Variants in PDE1C observed in about 807,000 individuals in gnomAD.
The protein encoded by PDE1C is phosphodiesterase 1C.
In PDE1C, 62 loss-of-function variants were observed where a neutral mutation model predicts 93.1. The ratio of observed to expected loss-of-function variants is 0.67; its 90% CI spans 0.54 to 0.82. The LOEUF is 0.82. PDE1C is among the 40% of genes least tolerant of loss of function. PDE1C has a pLI of 0.00. For missense variants in PDE1C, 742 were observed against 884.6 expected (o/e 0.84, Z 2.04); for synonymous variants, 325 against 310.1 (o/e 1.05, Z -0.50).
At chr7:31,712,383 T>G in the PDE1C span, among the ~76,000 whole-genome samples, 4 of 152,364 alleles carry the variant, frequency 2.6e-5, no homozygotes, top group Admixed American at 2.6e-4. Flanking sequence ...ACAAGGTTAC[T>G]TACTCTGATA....
intron 2 of PDE1C, among the ~76,000 whole-genome samples, chr7:32,182,427 A>G (rs2128813184): frequency 6.6e-6 from 1 of 152,360 alleles, no homozygotes; most frequent in South Asian, 2.1e-4. Flanking sequence ...CGAATCCAGC[A>G]GCACATCAAA....
chr7:32,282,203 G>A (rs1042876990), intron 1 of PDE1C, among the ~76,000 whole-genome samples: 2 of 151,718 alleles, frequency 1.3e-5, no homozygotes, highest in Admixed American at 6.6e-5. Flanking sequence ...TCGGCCGGGT[G>A]TGGTGGCTCA....
intron 2 of PDE1C, among the ~76,000 whole-genome samples, chr7:31,896,168 C>A (rs1231268995): frequency 6.6e-6 from 1 of 152,094 alleles, no homozygotes; most frequent in South Asian, 2.1e-4. Context: ...CTCAGCAACT[C>A]CTTAGTGGCA....
In PDE1C at chr7:31,864,798, T is replaced by C. The variant is rs535370188; in HGVS notation, c.750+144A>G. ...ACGGAGAACTCCAAGACTTTCCATATTGGTTAGATTACTCCTGGGAAACAG... is the reference window on the plus strand; with the variant it reads ...ACGGAGAACTCCAAGACTTTCCATACTGGTTAGATTACTCCTGGGAAACAG... On this transcript the variant is annotated intron_variant, in intron 7 of 17. Transcript: ENST00000396191. The C allele has an allele frequency of 1.1e-5, 8 of 749,764 alleles. No individual in the cohort carries two copies. The East Asian group carries it at 1.2e-4, about 12-fold the overall frequency. 46.4% of individuals were successfully genotyped at this position (749,764 alleles called of 1,614,324 possible). A position where few individuals can be genotyped will look rare whatever the true frequency, so the allele number is the denominator to read the frequency against.
chr7:32,111,155 C>A (rs1798618557), intron 3 of PDE1C, among the ~76,000 whole-genome samples: 1 of 152,008 alleles, frequency 6.6e-6, no homozygotes, highest in South Asian at 2.1e-4. Context: ...CCAAATCAGG[C>A]TCATAAGGAC....
chr7:31,619,947 G>T, the PDE1C span, among the ~76,000 whole-genome samples: 1 of 152,192 alleles, frequency 6.6e-6, no homozygotes. Flanking sequence ...GGCGCACCAG[G>T]AGACTATATC....
At chr7:32,146,259 G>A (rs911020179) in intron 3 of PDE1C, among the ~76,000 whole-genome samples, 3 of 152,122 alleles carry the variant, frequency 2.0e-5, no homozygotes, top group African/African-American at 7.2e-5. Flanking sequence ...CATTGCCACT[G>A]GAGCAAATGA....
At chr7:31,630,199 T>G in the PDE1C span, among the ~76,000 whole-genome samples, 1 of 125,610 alleles carries the variant, frequency 8.0e-6, no homozygotes, top group Admixed American at 9.7e-5. Context: ...GAGTTCTAAA[T>G]TACCAGAGGA....
Position 31,873,402 on chromosome 7 carries a change from C to G in PDE1C, c.499G>C (p.Asp167His). 1 of 1,604,184 alleles carries G rather than the reference C, an allele frequency of 6.2e-7. No homozygotes were observed. The highest frequency in any genetic ancestry group is 1.1e-5 in the South Asian group (1 of 90,842). ...GAAAAGACGTCAAAGGACCACTTGT[C>G]CACATCCTGCAGGACAGGGTGGGGA... ...PAVIEALKDV[D>H]KWSFDVFSLN... Residue 167 changes from aspartate (D) to histidine (H), a missense_variant, in exon 6 of 18, where the codon GAC becomes CAC. Physicochemically the swap from Asp to His is moderately conservative, Grantham distance 81. Around this residue, in one of 4 missense-constraint regions of PDE1C, gnomAD observed 205 missense variants for 295.3 expected, o/e 0.69. Coordinates refer to ENST00000396191, the MANE Select transcript of PDE1C (RefSeq NM_001191057.4).
chr7:31,819,981 TAGA>T (rs1286617463), intron 14 of PDE1C, among the ~76,000 whole-genome samples: 8 of 152,254 alleles, frequency 5.3e-5, no homozygotes, highest in East Asian at 3.9e-4. Context: ...TTTAAGAACA[TAGA>T]AGGTGTTCCC....
At chr7:32,312,221 A>G (rs935057655) in intron 1 of PDE1C, among the ~76,000 whole-genome samples, 17 of 152,194 alleles carry the variant, frequency 1.1e-4, no homozygotes, top group Admixed American at 2.0e-4. Flanking sequence ...CCTCTTCAAC[A>G]AGAACTACAA....
chr7:32,127,431 T>C (rs1299408162), intron 3 of PDE1C, among the ~76,000 whole-genome samples: 7 of 152,078 alleles, frequency 4.6e-5, no homozygotes, highest in African/African-American at 1.7e-4. Context: ...TTTACTATAA[T>C]AGGAACTCCT....
chr7:32,367,613 T>C (rs1488953821), intron 1 of PDE1C, among the ~76,000 whole-genome samples: 2 of 152,102 alleles, frequency 1.3e-5, no homozygotes, highest in African/African-American at 4.8e-5. Context: ...TCCAGCACTT[T>C]GGGAGACCAA....
chr7:32,059,303 T>C (rs1284109305), intron 1 of PDE1C, among the ~76,000 whole-genome samples: 1 of 152,150 alleles, frequency 6.6e-6, no homozygotes, highest in African/African-American at 2.4e-5. Flanking sequence ...GACAGTCAAT[T>C]TTTTACTCTT....
At chr7:32,427,984 G>C (rs575437631) in exon 1 of PDE1C, 2 of 152,266 alleles carry the variant, frequency 1.3e-5, no homozygotes, top group Admixed American at 1.3e-4. Flanking sequence ...TCCCCACGCC[G>C]GGGTCCCGGC....
chr7:32,405,454 T>C (rs1583423158), intron 1 of PDE1C, among the ~76,000 whole-genome samples: 1 of 152,288 alleles, frequency 6.6e-6, no homozygotes, highest in East Asian at 1.9e-4. Context: ...TTTCTCCATG[T>C]TGGTCAGGCT....
chr7:32,357,184 A>C (rs1420743980), intron 1 of PDE1C, among the ~76,000 whole-genome samples: 1 of 152,130 alleles, frequency 6.6e-6, no homozygotes, highest in African/African-American at 2.4e-5. Flanking sequence ...TACAAAAAAA[A>C]TTAGCCGGGC....
intron 17 of PDE1C, among the ~76,000 whole-genome samples, chr7:31,772,689 C>T (rs1380036541): frequency 1.3e-5 from 2 of 152,318 alleles, no homozygotes; most frequent in East Asian, 3.9e-4. Flanking sequence ...TTTTCATCTC[C>T]TAATGACTGA....
chr7:32,037,552 T>C (rs1791273555), intron 2 of PDE1C, among the ~76,000 whole-genome samples: 1 of 152,180 alleles, frequency 6.6e-6, no homozygotes, highest in African/African-American at 2.4e-5. Flanking sequence ...GCTGTTTTTC[T>C]TACTCATCCT....
Sources: allele counts gnomAD v4.1 joint callset (sites outside exome capture counted in the v4.1 genomes callset), GRCh38; gene constraint gnomAD v4.1.1; regional missense constraint gnomAD v4.1.1; transcripts MANE v1.5; gene names NCBI Gene and HGNC (gene_info 2026-07-23, HGNC 2026-07-21).